PCDHGA7: variants seen among roughly 807,000 people sequenced by gnomAD.
PCDHGA7 encodes protocadherin gamma-A7.
A neutral mutation model predicts 58.3 loss-of-function variants in PCDHGA7; 44 were observed. The ratio of observed to expected loss-of-function variants is 0.75; its 90% CI spans 0.59 to 0.97. The LOEUF is 0.97. Among genes scored for constraint, PCDHGA7 ranks in the 50% least tolerant of loss-of-function variants. PCDHGA7 has a pLI of 0.00. For missense variants in PCDHGA7, 1,266 were observed against 1,188.7 expected, an observed-to-expected ratio of 1.06 and a Z score of -0.96; for synonymous variants, 516 against 504.2, an observed-to-expected ratio of 1.02 and a Z score of -0.31.
intron 1 of PCDHGA7, among the ~76,000 whole-genome samples, chr5:141,420,845 G>A (rs1038454602): frequency 6.6e-6 from 1 of 152,200 alleles, no homozygotes; most frequent in African/African-American, 2.4e-5. Flanking sequence ...GGTGTTCTTG[G>A]TAAAGTTTTA....
rs202006594 is a variant in PCDHGA7, at chr5:141,477,618, C to A, written c.2425-17189C>A. 15 of 1,614,176 alleles carry A rather than the reference C, an allele frequency of 9.3e-6. No homozygotes were observed. The African/African-American group carries it at 1.3e-4, about 14-fold the overall frequency. ...TCTTTCTTTCTCTTGGAGCAAGGAGCTGAAACCGGGCTAGTGGGTCGCTAT... is the reference window on the plus strand; with the variant it reads ...TCTTTCTTTCTCTTGGAGCAAGGAGATGAAACCGGGCTAGTGGGTCGCTAT... On this transcript the variant is annotated intron_variant, in intron 1 of 3. Coordinates refer to ENST00000518325, the MANE Select transcript of PCDHGA7 (RefSeq NM_018920.4). The surrounding 1 kb of genome is among the most constrained non-coding windows in gnomAD (Gnocchi z 4.9).
At chr5:141,488,546 G>A (rs2099676755) in intron 1 of PCDHGA7, among the ~76,000 whole-genome samples, 1 of 152,188 alleles carries the variant, frequency 6.6e-6, no homozygotes, top group African/African-American at 2.4e-5. Context: ...TCCCATGTCA[G>A]CTGACATTGA....
intron 2 of PCDHGA7, among the ~76,000 whole-genome samples, chr5:141,498,795 T>C (rs2099785702): frequency 6.6e-6 from 1 of 152,032 alleles, no homozygotes; most frequent in Admixed American, 6.6e-5. Context: ...TAGCCAGGTG[T>C]GGTGGTGCAC....
At chr5:141,404,479 A>C in intron 1 of PCDHGA7, 1 of 1,613,750 alleles carries the variant, frequency 6.2e-7, no homozygotes, top group South Asian at 1.1e-5. Context: ...CTATTAACTC[A>C]GACACTGGTG....
intron 2 of PCDHGA7, among the ~76,000 whole-genome samples, chr5:141,495,811 G>A (rs1164360438): frequency 1.3e-5 from 2 of 151,710 alleles, no homozygotes; most frequent in Admixed American, 1.3e-4. Flanking sequence ...GTTTCCTAGC[G>A]CCTTGTGTTC....
In PCDHGA7 at chr5:141,384,898, A is replaced by G. The variant is rs982769749; in HGVS notation, c.1999A>G (p.Ser667Gly). 168 of 1,613,752 alleles carry G rather than the reference A, an allele frequency of 1.0e-4. No individual in the cohort carries two copies. The highest frequency in any genetic ancestry group is 1.3e-4 in the Non-Finnish European group (158 of 1,180,006). The change falls in exon 1 of 4, where the codon AGC (serine) becomes GGC (glycine). Residue 667 changes from serine (S) to glycine (G), a missense_variant. Transcript: ENST00000518325. ...TVTLTVAVAD[S>G]IPEVLADLGS... ...CACACTCACCGTGGCTGTGGCTGAC[A>G]GCATCCCCGAAGTCTTGGCCGACCT... is the stretch of plus-strand genomic sequence containing the variant.
Position 141,428,162 on chromosome 5 carries a change from G to A in PCDHGA7, c.2424+42839G>A, listed in dbSNP as rs75153946. The A allele has an allele frequency of 9.5e-4, 1,493 of 1,569,102 alleles. 9 individuals are homozygous for A. The African/African-American group carries it at 0.016, about 16-fold the overall frequency. On this transcript the variant is annotated intron_variant, in intron 1 of 3. Coordinates refer to ENST00000518325, the MANE Select transcript of PCDHGA7 (RefSeq NM_018920.4). ...GGCTGCACACGGGAACCTGCTGGTT[G>A]CTGTGCGTGACGGAGGACAGCCGCC...
Position 141,486,314 on chromosome 5 carries a change from T to C in PCDHGA7, c.2425-8493T>C, listed in dbSNP as rs775833520. The C allele has an allele frequency of 4.5e-5, 72 of 1,613,758 alleles. No homozygotes were observed. The highest frequency in any genetic ancestry group is 5.9e-5 in the Non-Finnish European group (70 of 1,179,984). On this transcript the variant is annotated intron_variant, in intron 1 of 3. Transcript: ENST00000518325. This position sits in a 1 kb window ranked among gnomAD's most constrained non-coding sequence, Gnocchi z 5.0. ...CAGTGTGCAGGATCCAGACTCAGGG[T>C]CAAACGGAGATGTGAGCCTCCGCAT...
chr5:141,432,722 T>G lies in PCDHGA7; in HGVS notation c.2424+47399T>G, dbSNP rs2097531915. 6.2e-7 allele frequency: 1 copy of G among 1,613,646 alleles called. No homozygotes were observed. Among genetic ancestry groups the G allele is most frequent in the African/African-American group, 1.3e-5 (1 of 74,900 alleles). ...CCAGGACCACGGCCAGCCCCCTCTC[T>G]CCGCCACTGTCACGCTCACCGTGGC... On this transcript the variant is annotated intron_variant, in intron 1 of 3. Coordinates refer to ENST00000518325, the MANE Select transcript of PCDHGA7 (RefSeq NM_018920.4). The surrounding 1 kb of genome is among the most constrained non-coding windows in gnomAD (Gnocchi z 6.0).
intron 1 of PCDHGA7, among the ~76,000 whole-genome samples, chr5:141,400,911 CAAAG>C (rs1162228499): frequency 6.6e-6 from 1 of 152,176 alleles, no homozygotes; most frequent in Non-Finnish European, 1.5e-5. Flanking sequence ...TCTTTTAAAG[CAAAG>C]AAACTGCTAG....
rs1596285501 is a variant in PCDHGA7, at chr5:141,510,367, C to A, written c.2573-580C>A. Among the ~76,000 whole-genome samples the A allele has an allele frequency of 5.0e-5, 7 of 140,362 alleles. 1 individual carries two copies. In the South Asian group the frequency reaches 1.6e-3, roughly 31 times the overall value. The allele number at this position is 140,362 out of a possible 152,430, so 92.1% of individuals were successfully genotyped here. A position where few individuals can be genotyped will look rare whatever the true frequency, so the allele number is the denominator to read the frequency against. On this transcript the variant is annotated intron_variant, in intron 3 of 3. Transcript: ENST00000518325. ...ACACTTACTAACGGAACTACCGAAT[C>A]TCTACTCGTGCCAGGCCTTGCTTGG...
chr5:141,410,661 A>G, intron 1 of PCDHGA7: 1 of 1,572,394 alleles, frequency 6.4e-7, no homozygotes, highest in Non-Finnish European at 8.6e-7. Context: ...CTAATAGTCT[A>G]CTAGTTTCTC....
At chr5:141,471,185 A>G (rs58340688) in intron 1 of PCDHGA7, 16,257 of 151,174 alleles carry the variant, frequency 0.11, 890 homozygotes, top group South Asian at 0.15. Context: ...TAGTAGCTGG[A>G]ATTACAGGCA....
chr5:141,422,115 T>C, intron 1 of PCDHGA7: 1 of 1,605,004 alleles, frequency 6.2e-7, no homozygotes, highest in South Asian at 1.1e-5. Context: ...TCCAATTGGA[T>C]TCACAAACTG....
chr5:141,433,623 G>A (rs2097635547), intron 1 of PCDHGA7, among the ~76,000 whole-genome samples: 1 of 152,070 alleles, frequency 6.6e-6, no homozygotes, highest in African/African-American at 2.4e-5. Flanking sequence ...ATCACCTGAG[G>A]TTGGGAGTTT....
At chr5:141,392,837 C>T (rs772636303) in intron 1 of PCDHGA7, 1 of 1,608,294 alleles carries the variant, frequency 6.2e-7, no homozygotes. Context: ...AGAGTCGCCC[C>T]AGACGCGGCG....
rs540471918 is a variant in PCDHGA7 at position 141,433,283 on chromosome 5, T to C, written c.2424+47960T>C. ...ATCATAGCTCACTGCAGCCTCAAAC[T>C]CCTAGGCTCAAGCAATTATCCCACC... On this transcript the variant is annotated intron_variant, in intron 1 of 3. Coordinates refer to ENST00000518325, the MANE Select transcript of PCDHGA7 (RefSeq NM_018920.4). The C allele has an allele frequency of 4.2e-5, 50 of 1,183,074 alleles. No homozygotes were observed. In the Admixed American group the frequency reaches 7.9e-4, roughly 19 times the overall value. 73.3% of individuals were successfully genotyped at this position (1,183,074 alleles called of 1,614,324 possible).
intron 1 of PCDHGA7, chr5:141,393,184 T>C: frequency 6.2e-7 from 1 of 1,613,344 alleles, no homozygotes; most frequent in Non-Finnish European, 8.5e-7. Context: ...ATAGAAATAA[T>C]TGATATTAAC....
chr5:141,510,898 T>G (rs1393880610), intron 3 of PCDHGA7, 49 bp from the exon 4 acceptor site: 1 of 1,613,278 alleles, frequency 6.2e-7, no homozygotes, highest in East Asian at 2.2e-5. Context: ...ACAGTGACTG[T>G]TGAGGACCCT....
Sources: gnomAD v4.1 joint callset for allele counts (sites outside exome capture counted in the v4.1 genomes callset) on GRCh38, gnomAD v4.1.1 for gene constraint, Gnocchi (gnomAD v3.1) non-coding constraint, MANE v1.5 for transcripts, NCBI Gene and HGNC (gene_info 2026-07-23, HGNC 2026-07-21) for gene names.